The following TTN variants were observed in gnomAD, a reference collection of about 807,000 sequenced individuals.
TTN encodes connectin.
TTN carries 1,525 observed loss-of-function variants against 3,223.0 expected under a neutral mutation model. The ratio of observed to expected loss-of-function variants is 0.47; its 90% CI spans 0.45 to 0.49. The LOEUF (loss-of-function observed/expected upper bound fraction) is 0.49, where lower values mean the gene tolerates loss of function less well. Ranked by LOEUF, TTN falls within the 20% of genes least tolerant of loss-of-function variation. The probability of loss-of-function intolerance (pLI) is 0.00; values close to 1 mark genes in which losing one functional copy is unlikely to be tolerated. For missense variants in TTN, 40,786 were observed against 43,424.0 expected (o/e 0.94, Z 5.40); for synonymous variants, 14,094 against 15,161.0 (o/e 0.93, Z 5.17).
At chr2:178,669,206 C>G (rs1317703967) in intron 159 of TTN, among the ~76,000 whole-genome samples, 167 bp downstream of exon 159, 1 of 152,036 alleles carries the variant, frequency 6.6e-6, no homozygotes, top group African/African-American at 2.4e-5. Flanking sequence ...GGAAATATAA[C>G]TTGTCTGAGG....
At chr2:178,646,304 T>C (rs2061991947) in intron 216 of TTN, among the ~76,000 whole-genome samples, 181 bp downstream of exon 216, 1 of 150,518 alleles carries the variant, frequency 6.6e-6, no homozygotes, top group African/African-American at 2.4e-5. Context: ...CAAGCCACAG[T>C]TGACATGAGA....
chr2:178,791,882 G>C (rs920777400), intron 10 of TTN, among the ~76,000 whole-genome samples, 190 bp downstream of exon 10: 1 of 152,108 alleles, frequency 6.6e-6, no homozygotes, highest in African/African-American at 2.4e-5. Context: ...AACTGATCAA[G>C]TGAGTGGAAA....
chr2:178,627,488 T>A (rs1206071961), intron 240 of TTN, among the ~76,000 whole-genome samples: 5 of 152,012 alleles, frequency 3.3e-5, no homozygotes, highest in Non-Finnish European at 7.4e-5. Flanking sequence ...ATATTTAAGT[T>A]CTTTTTGAAA....
At chr2:178,606,963 A>C in intron 278 of TTN, 58 bp downstream of exon 278, 1 of 1,558,530 alleles carries the variant, frequency 6.4e-7, no homozygotes, top group Non-Finnish European at 8.6e-7. Flanking sequence ...AGCTCAGTAA[A>C]TAATATAACT....
intron 43 of TTN, among the ~76,000 whole-genome samples, chr2:178,760,158 T>C (rs1450541589): frequency 6.6e-6 from 1 of 152,170 alleles, no homozygotes; most frequent in Non-Finnish European, 1.5e-5. Context: ...CTGCCCATGA[T>C]GGTAGATGTG....
At chr2:178,645,437 T>G (rs934585887) in intron 217 of TTN, among the ~76,000 whole-genome samples, 1 of 152,012 alleles carries the variant, frequency 6.6e-6, no homozygotes, top group Non-Finnish European at 1.5e-5. Flanking sequence ...TAGGCACATA[T>G]CAGCTACTGG....
intron 344 of TTN, among the ~76,000 whole-genome samples, chr2:178,544,913 C>G (rs933863021): frequency 6.6e-6 from 1 of 152,080 alleles, no homozygotes; most frequent in African/African-American, 2.4e-5. Flanking sequence ...CAATTCAGTC[C>G]CAGTGACTAT....
At chr2:178,652,813 T>C in intron 200 of TTN, 35 bp downstream of exon 200, 3 of 1,607,288 alleles carry the variant, frequency 1.9e-6, no homozygotes, top group Non-Finnish European at 2.5e-6. Context: ...ATAGAGGAGT[T>C]TGATCTTCTG....
At position 178,601,021 on chromosome 2, in the gene TTN, T is replaced by G; in HGVS notation, c.55883A>C (p.Lys18628Thr). The part of the protein sequence containing the change: ...CLAWDPTGTK[K>T]EAWRQCNKRD... ...CTTATTGCACTGCCTCCAGGCTTCT[T>G]TCTTTGTCCCAGTAGGGTCCCATGC... Residue 18628 changes from lysine to threonine, a missense_variant, in exon 288 of 363, where the codon AAA becomes ACA. Physicochemically the swap from Lys to Thr is moderately conservative, Grantham distance 78 (BLOSUM62 -1). Transcript: ENST00000589042. 6.2e-7 allele frequency: 1 copy of G among 1,613,044 alleles called. No homozygotes were observed. Among genetic ancestry groups the G allele is most frequent in the East Asian group, 2.2e-5 (1 of 44,764 alleles).
At position 178,740,215 on chromosome 2, in the gene TTN, G is replaced by C. The variant is rs2082251261; in HGVS notation, c.13018C>G (p.Leu4340Val). The change falls in exon 48 of 363, where the codon CTG (leucine) becomes GTG (valine). Residue 4340 changes from leucine to valine, a missense_variant. By Grantham distance (32) the Leu-to-Val change is conservative. Transcript: ENST00000589042. ...FPLALEEKQV[L>V]LKEEHSDNVV... ...TTGTCAGAATGCTCTTCTTTGAGCA[G>C]TACCTGCTTTTCTTCAAGTGCTAGT... 6.2e-7 allele frequency: 1 copy of C among 1,613,656 alleles called. No homozygotes were observed. The highest frequency in any genetic ancestry group is 8.5e-7 in the Non-Finnish European group (1 of 1,179,790).
chr2:178,736,815 C>T (rs1015017813), intron 49 of TTN, among the ~76,000 whole-genome samples: 5 of 152,140 alleles, frequency 3.3e-5, no homozygotes, highest in Non-Finnish European at 7.4e-5. Context: ...ACATTTTGAC[C>T]AGAGTGAAAA....
At position 178,633,425 on chromosome 2, in the gene TTN, C is replaced by T. The variant is rs794729429; in HGVS notation, c.42934G>A (p.Val14312Ile). 18 of 1,613,262 alleles carry T rather than the reference C, an allele frequency of 1.1e-5. No homozygotes were observed. Among genetic ancestry groups the T allele is most frequent in the East Asian group, 2.2e-5 (1 of 44,772 alleles). The stretch of plus-strand genomic sequence containing the variant: ...TTGAGCAACTCACCCTCAACAGTAA[C>T]ATTTGCCTTGGTCTTGTCTGTGCCA... ...DCGTDKTKANVTVEARLIKVE... is the reference protein window; with the variant it reads ...DCGTDKTKANITVEARLIKVE... The change falls in exon 232 of 363, where the codon GTT (valine) becomes ATT (isoleucine). Residue 14312 changes from valine (V) to isoleucine (I), a missense_variant. Val to Ile is a conservative substitution (Grantham distance 29, BLOSUM62 3). Transcript: ENST00000589042.
intron 64 of TTN, 42 bp from the exon 65 acceptor site, chr2:178,729,211 T>A (rs1560770222): frequency 1.3e-6 from 2 of 1,549,348 alleles, no homozygotes; most frequent in African/African-American, 2.8e-5. Context: ...AAACATATTG[T>A]AACTCCTACC....
At chr2:178,672,293 T>G in intron 154 of TTN, 26 bp from the exon 155 acceptor site, 3 of 1,601,460 alleles carry the variant, frequency 1.9e-6, no homozygotes. Flanking sequence ...TTTTAAGACT[T>G]ATTTTTTTAA....
At chr2:178,798,218 A>G (rs906148681) in intron 6 of TTN, among the ~76,000 whole-genome samples, 1 of 152,200 alleles carries the variant, frequency 6.6e-6, no homozygotes, top group East Asian at 1.9e-4. Flanking sequence ...TTTATAAAAA[A>G]TTTTCTTGGC....
chr2:178,645,751 C>A (rs2061837642), intron 217 of TTN, 169 bp downstream of exon 217: 1 of 413,488 alleles, frequency 2.4e-6, no homozygotes. Flanking sequence ...TGACAAGCAA[C>A]CCAGGAACCA....
At chr2:178,744,632 T>A in intron 47 of TTN, 4 of 947,564 alleles carry the variant, frequency 4.2e-6, no homozygotes, top group Non-Finnish European at 5.0e-6. Context: ...TATCTTGTTA[T>A]TTATATATAA....
In TTN at chr2:178,774,880, T is replaced by C. The variant is rs766968761; in HGVS notation, c.6790+41A>G. ...TTTTACCACATGCTAAGGGTGACTT[T>C]AGAGCTTAGGTAAACAATGAAATCC... On this transcript the variant is annotated intron_variant, in intron 29 of 362. Coordinates refer to ENST00000589042, the MANE Select transcript of TTN (RefSeq NM_001267550.2). The C allele has an allele frequency of 3.1e-6, 5 of 1,611,844 alleles. No individual in the cohort carries two copies. In the Admixed American group the frequency reaches 5.0e-5, roughly 16 times the overall value.
chr2:178,758,894 TGA>T, intron 44 of TTN, 88 bp downstream of exon 44: 1 of 1,312,562 alleles, frequency 7.6e-7, no homozygotes, highest in Non-Finnish European at 1.1e-6. Context: ...GGAACAACAA[TGA>T]TTTACATGAA....
Sources: allele counts gnomAD v4.1 joint callset (sites outside exome capture counted in the v4.1 genomes callset), GRCh38; gene constraint gnomAD v4.1.1; transcripts MANE v1.5; gene names NCBI Gene and HGNC (gene_info 2026-07-23, HGNC 2026-07-21).